CACNA1G: variants seen among roughly 807,000 people sequenced by gnomAD.
CACNA1G encodes the protein calcium voltage-gated channel subunit alpha1 G.
CACNA1G carries 67 observed loss-of-function variants against 219.4 expected under a neutral mutation model. That is an observed-to-expected ratio of 0.31 (90% CI 0.25 to 0.37). CACNA1G has a LOEUF of 0.37. Among genes scored for constraint, CACNA1G ranks in the 10% least tolerant of loss-of-function variants. CACNA1G has a pLI of 1.00. For missense variants in CACNA1G, 2,380 were observed against 3,231.4 expected (o/e 0.74, Z 6.39); for synonymous variants, 1,296 against 1,345.3 (o/e 0.96, Z 0.80).
At chr17:50,586,811 A>G (rs772166269) in intron 9 of CACNA1G, among the ~76,000 whole-genome samples, 2 of 152,244 alleles carry the variant, frequency 1.3e-5, no homozygotes, top group East Asian at 1.9e-4. Context: ...TGGAGCAGCT[A>G]TGAGGCTTGG....
chr17:50,568,743 G>T (rs1273566102), intron 1 of CACNA1G, 127 bp from the exon 2 acceptor site: 1 of 737,344 alleles, frequency 1.4e-6, no homozygotes. Context: ...GTATGTCAGG[G>T]CCCTGGCACC....
intron 37 of CACNA1G, among the ~76,000 whole-genome samples, chr17:50,624,958 T>G (rs1222940021): frequency 2.7e-5 from 4 of 148,790 alleles, no homozygotes; most frequent in Non-Finnish European, 6.0e-5. Context: ...CCAGATTCTT[T>G]TTTTTTTTTT....
chr17:50,602,949 G>A, intron 20 of CACNA1G, 61 bp downstream of exon 20: 1 of 1,612,186 alleles, frequency 6.2e-7, no homozygotes, highest in Non-Finnish European at 8.5e-7. Context: ...AGACAGCTTG[G>A]GCTGAGGGTG....
rs1250164062 is a variant in CACNA1G at position 50,621,512 on chromosome 17, G to A, written c.5926-148G>A. On this transcript the variant is annotated intron_variant, in intron 34 of 37. Coordinates refer to ENST00000359106, the MANE Select transcript of CACNA1G (RefSeq NM_018896.5). The surrounding 1 kb of genome is among the most constrained non-coding windows in gnomAD (Gnocchi z 4.6). ...CTGTCAGCTTGTTTGGGGAAAGGGTGGGGAGAGAGAAGGGATGCCTTTTTC... is the reference window on the plus strand; with the variant it reads ...CTGTCAGCTTGTTTGGGGAAAGGGTAGGGAGAGAGAAGGGATGCCTTTTTC... 2.5e-6 allele frequency: 2 copies of A among 804,284 alleles called. No homozygotes were observed. The highest frequency in any genetic ancestry group is 1.7e-5 in the African/African-American group (1 of 58,690). 49.8% of individuals were successfully genotyped at this position (804,284 alleles called of 1,614,324 possible). A position where few individuals can be genotyped will look rare whatever the true frequency, so the allele number is the denominator to read the frequency against.
At position 50,618,015 on chromosome 17, in the gene CACNA1G, G is replaced by A. The variant is rs780553687; in HGVS notation, c.5227-33G>A. ...AGAGAAGCTGACTGGGAGACCCAGC[G>A]GCATCGTTTCTATTTCTTCTCCTTT... On this transcript the variant is annotated intron_variant, in intron 30 of 37. Coordinates refer to ENST00000359106, the MANE Select transcript of CACNA1G (RefSeq NM_018896.5). The surrounding 1 kb of genome is among the most constrained non-coding windows in gnomAD (Gnocchi z 5.3). 1.2e-5 allele frequency: 20 copies of A among 1,612,810 alleles called. No homozygotes were observed. The highest frequency in any genetic ancestry group is 1.0e-4 in the Admixed American group (6 of 59,978).
At chr17:50,581,387 C>T (rs186112818) in intron 9 of CACNA1G, among the ~76,000 whole-genome samples, 124 of 152,048 alleles carry the variant, frequency 8.2e-4, no homozygotes, top group African/African-American at 2.7e-3. Context: ...ATCCCGGAAT[C>T]GATTGGATGG....
At chr17:50,613,041 C>A (rs1567738659) in intron 26 of CACNA1G, among the ~76,000 whole-genome samples, 1 of 152,244 alleles carries the variant, frequency 6.6e-6, no homozygotes, top group Non-Finnish European at 1.5e-5. Context: ...CAGGCCCCAA[C>A]TTTGGAGGCC....
chr17:50,595,110 GC>G, intron 14 of CACNA1G, 49 bp downstream of exon 14: 1 of 1,401,048 alleles, frequency 7.1e-7, no homozygotes, highest in Non-Finnish European at 9.9e-7. Context: ...CCATGCCCGT[GC>G]CCCTCCACTC....
Position 50,621,401 on chromosome 17 carries a change from G to A in CACNA1G, c.5926-259G>A, listed in dbSNP as rs182444830. ...TTAGAATGCGTTTCTGTGTCTCCTC[G>A]CTTTGTCAGTGTTTGCTCTGGCTCT... On this transcript the variant is annotated intron_variant, in intron 34 of 37. Coordinates refer to ENST00000359106, the MANE Select transcript of CACNA1G (RefSeq NM_018896.5). This position sits in a 1 kb window ranked among gnomAD's most constrained non-coding sequence, Gnocchi z 4.6. 1.3e-5 allele frequency among the ~76,000 whole-genome samples: 2 copies of A among 152,186 alleles called. No individual in the cohort carries two copies. Among genetic ancestry groups the A allele is most frequent in the African/African-American group, 4.8e-5 (2 of 41,508 alleles).
Position 50,603,307 on chromosome 17 carries a change from G to A in CACNA1G, c.4169+108G>A, listed in dbSNP as rs1199607920. 8 of 941,002 alleles carry A rather than the reference G, an allele frequency of 8.5e-6. No homozygotes were observed. Among genetic ancestry groups the A allele is most frequent in the East Asian group, 5.3e-5 (2 of 37,784 alleles). The allele number at this position is 941,002 out of a possible 1,614,324, so 58.3% of individuals were successfully genotyped here. On this transcript the variant is annotated intron_variant, in intron 21 of 37. Transcript: ENST00000359106. This position sits in a 1 kb window ranked among gnomAD's most constrained non-coding sequence, Gnocchi z 6.4. ...ACGAAACAAAAGCCTGCACAGGCCA[G>A]CATCCTGTCTGTGACCCCCACAGGC...
At chr17:50,622,308 T>A (rs549622081) in intron 35 of CACNA1G, among the ~76,000 whole-genome samples, 3 of 152,104 alleles carry the variant, frequency 2.0e-5, no homozygotes, top group African/African-American at 7.2e-5. Flanking sequence ...ACTGTCCCCG[T>A]GTGTCCCTGC....
chr17:50,582,729 T>A (rs1457456773), intron 9 of CACNA1G, among the ~76,000 whole-genome samples: 1 of 151,362 alleles, frequency 6.6e-6, no homozygotes, highest in African/African-American at 2.4e-5. Flanking sequence ...GGGGGACAGG[T>A]GCTAGTCTAA....
Position 50,596,491 on chromosome 17 carries a change from G to C in CACNA1G, c.2980-71G>C. 1 of 1,233,132 alleles carries C rather than the reference G, an allele frequency of 8.1e-7. No individual in the cohort carries two copies. The highest frequency in any genetic ancestry group is 1.7e-5 in the Admixed American group (1 of 58,280). 76.4% of individuals were successfully genotyped at this position (1,233,132 alleles called of 1,614,324 possible). On this transcript the variant is annotated intron_variant, in intron 14 of 37. Coordinates refer to ENST00000359106, the MANE Select transcript of CACNA1G (RefSeq NM_018896.5). This position sits in a 1 kb window ranked among gnomAD's most constrained non-coding sequence, Gnocchi z 4.8. ...TATGTGGTGTGCGTGTGTGAAGAGA[G>C]GGAGGCCCGGTCCATCCCAACCACC...
chr17:50,589,894 T>TCTC (rs1555655436), intron 9 of CACNA1G, among the ~76,000 whole-genome samples: 1,630 of 138,574 alleles, frequency 0.012, 23 homozygotes, highest in East Asian at 0.051. Flanking sequence ...GCGTGCATTT[T>TCTC]TCTCTCTCTC....
At chr17:50,607,622 C>A in intron 24 of CACNA1G, 1 of 554,086 alleles carries the variant, frequency 1.8e-6, no homozygotes, top group South Asian at 2.5e-5. Flanking sequence ...AACAAAGAGG[C>A]AGTTTTGGAT....
In CACNA1G at chr17:50,617,401, T is replaced by TC. The variant is rs753977379; in HGVS notation, c.5022-32dup. On this transcript the variant is annotated intron_variant, in intron 28 of 37. Transcript: ENST00000359106. This position sits in a 1 kb window ranked among gnomAD's most constrained non-coding sequence, Gnocchi z 5.8. The stretch of plus-strand genomic sequence containing the variant: ...ACTGCCCCCTCCTTCAGGAACCCCC[T>TC]CCCCCAACTCAGGGAGCTGTATTCT... The TC allele has an allele frequency of 1.3e-6, 2 of 1,584,040 alleles. No homozygotes were observed. The highest frequency in any genetic ancestry group is 2.3e-5 in the East Asian group (1 of 44,176).
chr17:50,582,634 C>A (rs2042196974), intron 9 of CACNA1G, among the ~76,000 whole-genome samples: 1 of 151,704 alleles, frequency 6.6e-6, no homozygotes, highest in Admixed American at 6.5e-5. Flanking sequence ...CAGACCTCTC[C>A]AGGAAGAGGG....
In CACNA1G at chr17:50,561,127, A is replaced by C; in HGVS notation, c.-333A>C. On this transcript the variant is annotated 5_prime_UTR_variant, in exon 1 of 38. Coordinates refer to ENST00000359106, the MANE Select transcript of CACNA1G (RefSeq NM_018896.5). ...CTCTCGGGGCGGCTTCGCCGAAGGT[A>C]GCGCCGAATCCGGCAACCGGAGCCT... 8.6e-6 allele frequency: 4 copies of C among 464,534 alleles called. No homozygotes were observed. Among genetic ancestry groups the C allele is most frequent in the East Asian group, 1.4e-4 (2 of 13,960 alleles). The allele number at this position is 464,534 out of a possible 1,614,324, so 28.8% of individuals were successfully genotyped here.
At chr17:50,609,457 C>T (rs2048704739) in intron 25 of CACNA1G, among the ~76,000 whole-genome samples, 1 of 152,158 alleles carries the variant, frequency 6.6e-6, no homozygotes, top group African/African-American at 2.4e-5. Context: ...CTGTGGCCAC[C>T]GTCCCACTCC....
Sources: allele counts gnomAD v4.1 joint callset (sites outside exome capture counted in the v4.1 genomes callset), GRCh38; gene constraint gnomAD v4.1.1; non-coding constraint Gnocchi (gnomAD v3.1); transcripts MANE v1.5; gene names NCBI Gene and HGNC (gene_info 2026-07-23, HGNC 2026-07-21).